DENND2C: variants seen among roughly 807,000 people sequenced by gnomAD.
DENND2C encodes the protein DENN domain-containing protein 2C.
In DENND2C, 72 loss-of-function variants were observed where a neutral mutation model predicts 112.4. The ratio of observed to expected loss-of-function variants is 0.64; its 90% CI spans 0.53 to 0.78. The LOEUF (loss-of-function observed/expected upper bound fraction) is 0.78. Among genes scored for constraint, DENND2C ranks in the 30% least tolerant of loss-of-function variants. The pLI is 0.00. For missense variants in DENND2C, 992 were observed against 1,113.8 expected, an observed-to-expected ratio of 0.89 and a Z score of 1.56; for synonymous variants, 329 against 381.6, an observed-to-expected ratio of 0.86 and a Z score of 1.61.
rs144337569 is a variant in DENND2C, at chr1:114,633,485, G to A, written c.-204-7297C>T. ...AAAGAAAAAGAAGGAAGGAAGGAAG[G>A]AATGAAGGAAGGAAGGAAGGAAAAA... On this transcript the variant is annotated intron_variant, in intron 3 of 20. Transcript: ENST00000393274. 7.4e-3 allele frequency among the ~76,000 whole-genome samples: 1,070 copies of A among 143,748 alleles called. 8 individuals carry two copies. The highest frequency in any genetic ancestry group is 0.028 in the South Asian group (124 of 4,462). The allele number at this position is 143,748 out of a possible 152,430, so 94.3% of individuals were successfully genotyped here.
intron 1 of DENND2C, among the ~76,000 whole-genome samples, chr1:114,663,170 C>T (rs1476708849): frequency 1.3e-5 from 2 of 152,128 alleles, no homozygotes; most frequent in Non-Finnish European, 2.9e-5. Flanking sequence ...AAAACTTATT[C>T]ATTCAGGGCA....
chr1:114,657,228 T>C (rs1273883628), intron 1 of DENND2C, among the ~76,000 whole-genome samples: 8 of 152,248 alleles, frequency 5.3e-5, no homozygotes, highest in Non-Finnish European at 1.0e-4. Flanking sequence ...GTGGTTTCCA[T>C]GTCAACTTTT....
chr1:114,647,610 G>A (rs1025212213), intron 2 of DENND2C, among the ~76,000 whole-genome samples: 4 of 152,100 alleles, frequency 2.6e-5, no homozygotes, highest in Non-Finnish European at 2.9e-5. Flanking sequence ...TAGTAGAGAC[G>A]GGGTTTTGCC....
intron 20 of DENND2C, 90 bp from the exon 21 acceptor site, chr1:114,585,721 A>G: frequency 7.5e-7 from 1 of 1,330,158 alleles, no homozygotes; most frequent in South Asian, 1.2e-5. Context: ...TCAGTCATTC[A>G]GAACAGCCCA....
intron 8 of DENND2C, 141 bp from the exon 9 acceptor site, chr1:114,611,258 T>G: frequency 1.2e-6 from 1 of 866,478 alleles, no homozygotes; most frequent in Non-Finnish European, 1.8e-6. Context: ...ACCACTTGGT[T>G]GTATCAAGTT....
At chr1:114,603,180 G>A (rs377567404) in intron 11 of DENND2C, among the ~76,000 whole-genome samples, 15 of 149,536 alleles carry the variant, frequency 1.0e-4, no homozygotes, top group East Asian at 9.8e-4. Flanking sequence ...TCACTCTGTC[G>A]CCCAGGCTGG....
intron 3 of DENND2C, among the ~76,000 whole-genome samples, chr1:114,631,299 AC>A (rs1240000217): frequency 6.6e-6 from 1 of 152,096 alleles, no homozygotes; most frequent in African/African-American, 2.4e-5. Flanking sequence ...CTGCTTGTAC[AC>A]AGGAGGAGGA....
Position 114,595,887 on chromosome 1 carries a change from G to A in DENND2C, c.2284-14C>T, listed in dbSNP as rs772319734. 6.2e-7 allele frequency: 1 copy of A among 1,613,346 alleles called. No individual in the cohort carries two copies. The highest frequency in any genetic ancestry group is 1.7e-5 in the Admixed American group (1 of 59,976). Reference sequence around the variant, plus strand: ...AACTATCAGCACCTATGAAATAAAGGAGCCAGGCAAGTTCAACCAGAGACA... The same window carrying A: ...AACTATCAGCACCTATGAAATAAAGAAGCCAGGCAAGTTCAACCAGAGACA... On this transcript the variant is annotated splice_polypyrimidine_tract_variant and intron_variant, in intron 16 of 20. Coordinates refer to ENST00000393274, the MANE Select transcript of DENND2C (RefSeq NM_001256404.2).
intron 3 of DENND2C, among the ~76,000 whole-genome samples, chr1:114,633,306 G>C (rs537892702): frequency 6.6e-6 from 1 of 152,012 alleles, no homozygotes; most frequent in South Asian, 2.1e-4. Context: ...CTGGCCAGGC[G>C]TGGTGGTGCC....
At chr1:114,613,466 CTTAT>C (rs1403888675) in intron 8 of DENND2C, among the ~76,000 whole-genome samples, 1 of 152,058 alleles carries the variant, frequency 6.6e-6, no homozygotes, top group Non-Finnish European at 1.5e-5. Flanking sequence ...AGAAAAAATG[CTTAT>C]TTAAATATTG....
At chr1:114,635,460 G>A (rs1656629935) in intron 3 of DENND2C, among the ~76,000 whole-genome samples, 1 of 152,186 alleles carries the variant, frequency 6.6e-6, no homozygotes, top group Non-Finnish European at 1.5e-5. Flanking sequence ...TCAGGCTGCA[G>A]TGGGCTATGA....
rs190599936 is a variant in DENND2C at position 114,652,700 on chromosome 1, T to C, written c.-317+1805A>G. On this transcript the variant is annotated intron_variant, in intron 2 of 20. Coordinates refer to ENST00000393274, the MANE Select transcript of DENND2C (RefSeq NM_001256404.2). Reference sequence around the variant, plus strand: ...TTTTTTTTTTTTTAAAGAGGCAGAGTCTCCTCATTGCCCAACCTGAAGTGT... The same window carrying C: ...TTTTTTTTTTTTTAAAGAGGCAGAGCCTCCTCATTGCCCAACCTGAAGTGT... 7.8e-5 allele frequency among the ~76,000 whole-genome samples: 11 copies of C among 140,314 alleles called. No homozygotes were observed. The East Asian group carries it at 1.3e-3, about 16-fold the overall frequency. 92.1% of individuals were successfully genotyped at this position (140,314 alleles called of 152,430 possible).
chr1:114,636,460 G>A (rs1656657938), intron 3 of DENND2C, among the ~76,000 whole-genome samples: 1 of 152,170 alleles, frequency 6.6e-6, no homozygotes, highest in Non-Finnish European at 1.5e-5. Context: ...GAGCTCAGGA[G>A]TTCAAGACCA....
chr1:114,586,413 CA>C (rs1436833458), intron 20 of DENND2C, among the ~76,000 whole-genome samples: 3 of 152,050 alleles, frequency 2.0e-5, no homozygotes, highest in Admixed American at 6.6e-5. Flanking sequence ...TAAGATTCTC[CA>C]AGGAATGTGT....
chr1:114,612,908 G>A (rs1337551018), intron 8 of DENND2C, among the ~76,000 whole-genome samples: 2 of 151,896 alleles, frequency 1.3e-5, no homozygotes, highest in Admixed American at 6.6e-5. Flanking sequence ...TGATCCACCC[G>A]CCTCAGCCTC....
chr1:114,639,699 A>C (rs1376317742), intron 3 of DENND2C, among the ~76,000 whole-genome samples: 2 of 147,132 alleles, frequency 1.4e-5, no homozygotes, highest in African/African-American at 2.5e-5. Flanking sequence ...CCATCTCTTC[A>C]TCCATTATAT....
At chr1:114,621,789 G>T (rs1056004468) in intron 7 of DENND2C, 106 bp downstream of exon 7, 5 of 1,369,218 alleles carry the variant, frequency 3.7e-6, no homozygotes, top group African/African-American at 2.9e-5. Context: ...TCTAATCCCA[G>T]TAGGTCAGTT....
At chr1:114,652,237 A>C (rs1657186093) in intron 2 of DENND2C, among the ~76,000 whole-genome samples, 1 of 152,198 alleles carries the variant, frequency 6.6e-6, no homozygotes, top group Non-Finnish European at 1.5e-5. Context: ...TCCAAAATAA[A>C]AGTGGGGAAA....
chr1:114,594,131 G>T (rs951482394), intron 18 of DENND2C, among the ~76,000 whole-genome samples: 5 of 152,172 alleles, frequency 3.3e-5, no homozygotes, highest in Admixed American at 2.6e-4. Flanking sequence ...AAGGGAAGAG[G>T]ATAAGGAGCA....
Sources: allele counts gnomAD v4.1 joint callset (sites outside exome capture counted in the v4.1 genomes callset), GRCh38; gene constraint gnomAD v4.1.1; transcripts MANE v1.5; gene names NCBI Gene and HGNC (gene_info 2026-07-23, HGNC 2026-07-21).